Variants in RIPOR1 observed in about 807,000 individuals in gnomAD.
RIPOR1 encodes RHO family interacting cell polarization regulator 1.
RIPOR1 carries 58 observed loss-of-function variants against 116.5 expected under a neutral mutation model. The ratio of observed to expected loss-of-function variants is 0.50; its 90% CI spans 0.40 to 0.62. The LOEUF is 0.62. RIPOR1 is among the 20% of genes least tolerant of loss of function. RIPOR1 has a pLI of 0.00. For missense variants in RIPOR1, 1,372 were observed against 1,586.2 expected, an observed-to-expected ratio of 0.86 and a Z score of 2.29; for synonymous variants, 605 against 650.0, an observed-to-expected ratio of 0.93 and a Z score of 1.05.
rs2051017895 is a variant in RIPOR1, at chr16:67,542,479, C to T, written c.1693C>T (p.Pro565Ser). Residue 565 changes from proline (P) to serine (S), a missense_variant, in exon 13 of 22, where the codon CCC (proline) becomes TCC (serine). By Grantham distance (74) the Pro-to-Ser change is moderately conservative (BLOSUM62 -1). Coordinates refer to ENST00000042381, the MANE Select transcript of RIPOR1 (RefSeq NM_024519.4). The surrounding 1 kb of genome is among the most constrained non-coding windows in gnomAD (Gnocchi z 4.6). ...AITTTHSAPS[P>S]LTHTTTGSTH... Reference sequence around the variant, plus strand: ...TACCACTACCCACAGTGCTCCAAGCCCCCTCACTCACACTACTACAGGCTC... The same window carrying T: ...TACCACTACCCACAGTGCTCCAAGCTCCCTCACTCACACTACTACAGGCTC... The T allele has an allele frequency of 6.2e-7, 1 of 1,613,698 alleles. No individual in the cohort carries two copies. Among genetic ancestry groups the T allele is most frequent in the Admixed American group, 1.7e-5 (1 of 59,942 alleles).
Position 67,546,374 on chromosome 16 carries a change from G to C in RIPOR1, c.3571G>C (p.Gly1191Arg). The part of the protein sequence containing the change: ...RQSLQQCGEE[G>R]QSAHRRLEES... ...ATCCTCACTCATTACAGGAGAAGAG[G>C]GACAGTCTGCCCATCGACGGCTGGA... Residue 1191 changes from glycine to arginine, a missense_variant, in exon 22 of 22, where the codon GGA (glycine) becomes CGA (arginine). Coordinates refer to ENST00000042381, the MANE Select transcript of RIPOR1 (RefSeq NM_024519.4). 4 of 1,613,986 alleles carry C rather than the reference G, an allele frequency of 2.5e-6. No individual in the cohort carries two copies. Among genetic ancestry groups the C allele is most frequent in the Non-Finnish European group, 1.7e-6 (2 of 1,179,986 alleles).
At chr16:67,538,622 A>G (rs769292995) in intron 2 of RIPOR1, 50 bp from the exon 3 acceptor site, 7 of 1,606,942 alleles carry the variant, frequency 4.4e-6, no homozygotes, top group Non-Finnish European at 5.1e-6. Context: ...GCGTAGTGAG[A>G]GTCTGGGGGA....
In RIPOR1 at chr16:67,543,982, C is replaced by T. The variant is rs1295868736; in HGVS notation, c.2601-317C>T. ...CCTCCTTCCTCTGCTGCTGCCCAGG[C>T]TACAGCCCCATGCCCTGCACCCTTT... On this transcript the variant is annotated intron_variant, in intron 14 of 21. Coordinates refer to ENST00000042381, the MANE Select transcript of RIPOR1 (RefSeq NM_024519.4). The surrounding 1 kb of genome is among the most constrained non-coding windows in gnomAD (Gnocchi z 4.7). 6.6e-6 allele frequency among the ~76,000 whole-genome samples: 1 copy of T among 152,120 alleles called. No homozygotes were observed. Among genetic ancestry groups the T allele is most frequent in the African/African-American group, 2.4e-5 (1 of 41,404 alleles).
In RIPOR1 at chr16:67,540,585, A is replaced by G; in HGVS notation, c.682A>G (p.Met228Val). ...LCVGDQYEIC[M>V]KYGRQRWKLR... ...ATCCTACCTGTTCCCCCAGATCTGC[A>G]TGAAATATGGGCGTCAGCGCTGGAA... is the stretch of plus-strand genomic sequence containing the variant. Residue 228 changes from methionine to valine, a missense_variant, in exon 10 of 22, where the codon ATG (methionine) becomes GTG (valine). Physicochemically the swap from Met to Val is conservative, Grantham distance 21 (BLOSUM62 1). Coordinates refer to ENST00000042381, the MANE Select transcript of RIPOR1 (RefSeq NM_024519.4). The surrounding 1 kb of genome is among the most constrained non-coding windows in gnomAD (Gnocchi z 4.7). 1 of 1,614,012 alleles carries G rather than the reference A, an allele frequency of 6.2e-7. No homozygotes were observed. The highest frequency in any genetic ancestry group is 8.5e-7 in the Non-Finnish European group (1 of 1,179,906).
intron 1 of RIPOR1, among the ~76,000 whole-genome samples, chr16:67,521,404 A>G (rs1170569886): frequency 6.6e-6 from 1 of 152,188 alleles, no homozygotes; most frequent in African/African-American, 2.4e-5. Flanking sequence ...AATCTCTGTC[A>G]GAGCAGTTCA....
chr16:67,546,633 C>G lies in RIPOR1; in HGVS notation c.*170C>G. 1.6e-6 allele frequency: 1 copy of G among 607,776 alleles called. No individual in the cohort carries two copies. The highest frequency in any genetic ancestry group is 2.9e-6 in the Non-Finnish European group (1 of 344,222). The allele number at this position is 607,776 out of a possible 1,614,324, so 37.6% of individuals were successfully genotyped here. A position where few individuals can be genotyped will look rare whatever the true frequency, so the allele number is the denominator to read the frequency against. On this transcript the variant is annotated 3_prime_UTR_variant, in exon 22 of 22. Coordinates refer to ENST00000042381, the MANE Select transcript of RIPOR1 (RefSeq NM_024519.4). The stretch of plus-strand genomic sequence containing the variant: ...CCTGGGGTTGGAGAGTCAGTGCCTG[C>G]AGTCAAGTGCCTCCCAGCCTCGGCT...
chr16:67,528,157 T>G (rs1160727205), upstream of RIPOR1: 4 of 152,136 alleles, frequency 2.6e-5, no homozygotes, highest in East Asian at 7.7e-4. Flanking sequence ...TTACCGACTG[T>G]GTGGAGGGCC....
Position 67,537,562 on chromosome 16 carries a change from G to A in RIPOR1, c.-23-862G>A, listed in dbSNP as rs1436097012. ...CGCGGGGGGCGAGCGCGGGTCGGGG[G>A]CCGTCCCGGACCCACCATGAACACC... On this transcript the variant is annotated intron_variant, in intron 1 of 21. Transcript: ENST00000042381. This position sits in a 1 kb window ranked among gnomAD's most constrained non-coding sequence, Gnocchi z 4.6. The A allele has an allele frequency of 5.8e-6, 8 of 1,378,550 alleles. No individual in the cohort carries two copies. In the East Asian group the frequency reaches 1.8e-4, roughly 32 times the overall value. 85.4% of individuals were successfully genotyped at this position (1,378,550 alleles called of 1,614,324 possible).
Position 67,546,691 on chromosome 16 carries a change from G to C in RIPOR1, c.*228G>C, listed in dbSNP as rs1232808605. ...TCCCTTGCCACAAATCAGTGTCTGG[G>C]GCTTGGCCACCCTGCCGCTGCCCAG... On this transcript the variant is annotated 3_prime_UTR_variant, in exon 22 of 22. Coordinates refer to ENST00000042381, the MANE Select transcript of RIPOR1 (RefSeq NM_024519.4). 1.9e-5 allele frequency: 11 copies of C among 571,358 alleles called. No homozygotes were observed. Among genetic ancestry groups the C allele is most frequent in the Non-Finnish European group, 3.1e-5 (10 of 320,766 alleles). 35.4% of individuals were successfully genotyped at this position (571,358 alleles called of 1,614,324 possible). A position where few individuals can be genotyped will look rare whatever the true frequency, so the allele number is the denominator to read the frequency against.
Position 67,542,787 on chromosome 16 carries a change from C to T in RIPOR1, c.2001C>T (p.Pro667=), listed in dbSNP as rs768401019. 6.2e-7 allele frequency: 1 copy of T among 1,613,848 alleles called. No individual in the cohort carries two copies. Among genetic ancestry groups the T allele is most frequent in the Admixed American group, 1.7e-5 (1 of 59,986 alleles). Reference sequence around the variant, plus strand: ...ATCCTACCACAAGCCCCACCCATCCCACCACAAGCCCCATCCTTATAAATG... The same window carrying T: ...ATCCTACCACAAGCCCCACCCATCCTACCACAAGCCCCATCCTTATAAATG... ...PTHPTTSPTH[P]TTSPILINVS... The change falls in exon 13 of 22, where the codon CCC becomes CCT. Residue 667 remains proline, a synonymous_variant. Coordinates refer to ENST00000042381, the MANE Select transcript of RIPOR1 (RefSeq NM_024519.4). This position sits in a 1 kb window ranked among gnomAD's most constrained non-coding sequence, Gnocchi z 4.6.
Position 67,545,836 on chromosome 16 carries a change from A to C in RIPOR1, c.3363A>C (p.Ser1121=), listed in dbSNP as rs377352016. 5.6e-6 allele frequency: 9 copies of C among 1,607,444 alleles called. No homozygotes were observed. The highest frequency in any genetic ancestry group is 2.7e-5 in the African/African-American group (2 of 74,836). Residue 1121 remains serine, a synonymous_variant, in exon 19 of 22, where the codon TCA becomes TCC. Transcript: ENST00000042381. This position sits in a 1 kb window ranked among gnomAD's most constrained non-coding sequence, Gnocchi z 4.8. ...TCAGCACCCAGCTCCGGAGCCTGTC[A>C]CTGGGCCCTACCTTCCGGGAGAGGG... The part of the protein sequence containing the change: ...AAVSTQLRSL[S]LGPTFRERAL...
Position 67,546,558 on chromosome 16 carries a change from C to T in RIPOR1, c.*95C>T. On this transcript the variant is annotated 3_prime_UTR_variant, in exon 22 of 22. Transcript: ENST00000042381. ...GGGTAAGGGCTGGCTCCAGATACCC[C>T]TCCCCCACAGATTCCTAGCAATGAA... 1 of 911,052 alleles carries T rather than the reference C, an allele frequency of 1.1e-6. No individual in the cohort carries two copies. The highest frequency in any genetic ancestry group is 1.5e-5 in the South Asian group (1 of 66,924). 56.4% of individuals were successfully genotyped at this position (911,052 alleles called of 1,614,324 possible).
Position 67,545,646 on chromosome 16 carries a change from C to T in RIPOR1, c.3191-18C>T. 1 of 1,569,704 alleles carries T rather than the reference C, an allele frequency of 6.4e-7. No individual in the cohort carries two copies. The highest frequency in any genetic ancestry group is 8.7e-7 in the Non-Finnish European group (1 of 1,156,054). ...CCTGCCACCTTGCCCACCCACCCACCATATCCCCTTTTTTCAGTGCTACTG... is the reference window on the plus strand; with the variant it reads ...CCTGCCACCTTGCCCACCCACCCACTATATCCCCTTTTTTCAGTGCTACTG... On this transcript the variant is annotated intron_variant, in intron 18 of 21. Transcript: ENST00000042381. This position sits in a 1 kb window ranked among gnomAD's most constrained non-coding sequence, Gnocchi z 4.8.
rs771587312 is a variant in RIPOR1 at position 67,531,099 on chromosome 16, T to G, written c.-24+2185T>G. 3.3e-5 allele frequency among the ~76,000 whole-genome samples: 5 copies of G among 151,620 alleles called. No homozygotes were observed. Among genetic ancestry groups the G allele is most frequent in the Non-Finnish European group, 7.4e-5 (5 of 67,894 alleles). The stretch of plus-strand genomic sequence containing the variant: ...AGAAAAGTGATGGAACAGTCAGCGG[T>G]TTCCAAGTCCAGAATCCCAGGGGAT... On this transcript the variant is annotated intron_variant, in intron 1 of 21. Coordinates refer to ENST00000042381, the MANE Select transcript of RIPOR1 (RefSeq NM_024519.4). The surrounding 1 kb of genome is among the most constrained non-coding windows in gnomAD (Gnocchi z 4.2).
In RIPOR1 at chr16:67,529,605, C is replaced by A. The variant is rs1196587771; in HGVS notation, c.-24+691C>A. On this transcript the variant is annotated intron_variant, in intron 1 of 21. Coordinates refer to ENST00000042381, the MANE Select transcript of RIPOR1 (RefSeq NM_024519.4). The surrounding 1 kb of genome is among the most constrained non-coding windows in gnomAD (Gnocchi z 4.1). ...ACCAGGGCTAGAGGTCGGATTCAGTCCAGATTCAGCACCCTTTGTCCTCCT... is the reference window on the plus strand; with the variant it reads ...ACCAGGGCTAGAGGTCGGATTCAGTACAGATTCAGCACCCTTTGTCCTCCT... 1.1e-5 allele frequency: 7 copies of A among 652,760 alleles called. No homozygotes were observed. Among genetic ancestry groups the A allele is most frequent in the Non-Finnish European group, 1.8e-5 (7 of 385,650 alleles). 40.4% of individuals were successfully genotyped at this position (652,760 alleles called of 1,614,324 possible). A position where few individuals can be genotyped will look rare whatever the true frequency, so the allele number is the denominator to read the frequency against.
chr16:67,525,544 T>C (rs1427898921), upstream of RIPOR1, among the ~76,000 whole-genome samples: 1 of 152,064 alleles, frequency 6.6e-6, no homozygotes, highest in East Asian at 1.9e-4. Context: ...GCCGCGGTTT[T>C]TCTGGGGTTT....
intron 1 of RIPOR1, among the ~76,000 whole-genome samples, chr16:67,522,666 C>T (rs1203615498): frequency 6.6e-6 from 1 of 152,052 alleles, no homozygotes; most frequent in Non-Finnish European, 1.5e-5. Context: ...AGTGCCTTTC[C>T]ATGTTCAGAT....
In RIPOR1 at chr16:67,529,644, C is replaced by A; in HGVS notation, c.-24+730C>A. The A allele has an allele frequency of 1.1e-6, 1 of 926,222 alleles. No individual in the cohort carries two copies. The highest frequency in any genetic ancestry group is 1.6e-6 in the Non-Finnish European group (1 of 622,638). The allele number at this position is 926,222 out of a possible 1,614,324, so 57.4% of individuals were successfully genotyped here. On this transcript the variant is annotated intron_variant, in intron 1 of 21. Coordinates refer to ENST00000042381, the MANE Select transcript of RIPOR1 (RefSeq NM_024519.4). This position sits in a 1 kb window ranked among gnomAD's most constrained non-coding sequence, Gnocchi z 4.1. ...CTTTGTCCTCCTCTCCAGGGTGAGC[C>A]CTGAGTCCGGCCTCCCCTACAGACC...
chr16:67,519,608 G>A (rs2050476509), intron 1 of RIPOR1, among the ~76,000 whole-genome samples: 1 of 152,162 alleles, frequency 6.6e-6, no homozygotes, highest in South Asian at 2.1e-4. Flanking sequence ...AGAGGTCTGG[G>A]GAAAGATTAC....
Sources: gnomAD v4.1 joint callset for allele counts (sites outside exome capture counted in the v4.1 genomes callset) on GRCh38, gnomAD v4.1.1 for gene constraint, Gnocchi (gnomAD v3.1) non-coding constraint, MANE v1.5 for transcripts, NCBI Gene and HGNC (gene_info 2026-07-23, HGNC 2026-07-21) for gene names.